CD274: variants seen among roughly 807,000 people sequenced by gnomAD.
CD274 encodes the protein programmed cell death 1 ligand 1.
CD274 carries 8 observed loss-of-function variants against 30.1 expected under a neutral mutation model. The ratio of observed to expected loss-of-function variants is 0.27; its 90% CI spans 0.16 to 0.48. CD274 has a LOEUF of 0.48. Ranked by LOEUF, CD274 falls within the 20% of genes least tolerant of loss-of-function variation. The pLI, the probability that CD274 is intolerant of heterozygous loss-of-function variation, is 0.99. For synonymous variants in CD274, 152 were observed against 124.6 expected, an observed-to-expected ratio of 1.22 and a Z score of -1.46; for missense variants, 353 against 346.6, an observed-to-expected ratio of 1.02 and a Z score of -0.15.
At chr9:5,461,937 T>C (rs1819410828) in intron 3 of CD274, among the ~76,000 whole-genome samples, 1 of 152,050 alleles carries the variant, frequency 6.6e-6, no homozygotes, top group Non-Finnish European at 1.5e-5. Context: ...AAAAAGGATA[T>C]TAGGGAAAAA....
In CD274 at chr9:5,452,735, C is replaced by A. The variant is rs562783173; in HGVS notation, c.-15+2139C>A. Among the ~76,000 whole-genome samples, 5 of 152,244 alleles carry A rather than the reference C, an allele frequency of 3.3e-5. No individual in the cohort carries two copies. In the South Asian group the frequency reaches 1.0e-3, roughly 32 times the overall value. On this transcript the variant is annotated intron_variant, in intron 1 of 6. Coordinates refer to ENST00000381577, the MANE Select transcript of CD274 (RefSeq NM_014143.4). ...AATATTGGATCTAATCCATCACCCTCCAGGAAGCCTTTATTACTCCTAAAA... is the reference window on the plus strand; with the variant it reads ...AATATTGGATCTAATCCATCACCCTACAGGAAGCCTTTATTACTCCTAAAA...
chr9:5,459,019 C>T (rs1197505783), intron 3 of CD274, among the ~76,000 whole-genome samples: 1 of 152,146 alleles, frequency 6.6e-6, no homozygotes, highest in East Asian at 1.9e-4. Context: ...TCTCATCAGC[C>T]TGTAGGGAGT....
intron 6 of CD274, 147 bp from the exon 7 acceptor site, chr9:5,467,693 G>A: frequency 1.3e-6 from 1 of 753,868 alleles, no homozygotes; most frequent in East Asian, 2.7e-5. Context: ...AGGATAATTG[G>A]GTACAAATAT....
Position 5,457,115 on chromosome 9 carries a change from T to A in CD274, c.89T>A (p.Val30Glu). The A allele has an allele frequency of 3.1e-6, 5 of 1,613,748 alleles. No homozygotes were observed. Among genetic ancestry groups the A allele is most frequent in the Non-Finnish European group, 4.2e-6 (5 of 1,179,672 alleles). Residue 30 changes from valine to glutamate, a missense_variant, in exon 3 of 7, where the codon GTA (valine) becomes GAA (glutamate). Coordinates refer to ENST00000381577, the MANE Select transcript of CD274 (RefSeq NM_014143.4). The stretch of plus-strand genomic sequence containing the variant: ...ACGGTTCCCAAGGACCTATATGTGG[T>A]AGAGTATGGTAGCAATATGACAATT... Reference protein sequence around the residue: ...TVTVPKDLYVVEYGSNMTIEC... With the variant: ...TVTVPKDLYVEEYGSNMTIEC...
chr9:5,452,054 C>A (rs1819215090), intron 1 of CD274, among the ~76,000 whole-genome samples: 1 of 131,158 alleles, frequency 7.6e-6, no homozygotes, highest in South Asian at 2.5e-4. Context: ...GAGACAGAGT[C>A]TCACTCTGTT....
At chr9:5,467,283 A>C (rs1819513255) in intron 6 of CD274, among the ~76,000 whole-genome samples, 1 of 152,130 alleles carries the variant, frequency 6.6e-6, no homozygotes, top group African/African-American at 2.4e-5. Context: ...CAAGAAGATA[A>C]TGTAAAGTGC....
intron 1 of CD274, among the ~76,000 whole-genome samples, chr9:5,455,169 T>C (rs1819278686): frequency 1.3e-5 from 2 of 152,214 alleles, no homozygotes; most frequent in African/African-American, 2.4e-5. Flanking sequence ...TTTGTAAATA[T>C]ATGTATAACA....
intron 1 of CD274, among the ~76,000 whole-genome samples, chr9:5,454,289 C>T (rs897244444): frequency 6.6e-6 from 1 of 152,112 alleles, no homozygotes; most frequent in African/African-American, 2.4e-5. Context: ...TCTGTCTTTT[C>T]CTTCCTTTTT....
rs541020125 is a variant in CD274, at chr9:5,468,948, C to T, written c.*1086C>T. The T allele has an allele frequency of 7.3e-5, 17 of 232,996 alleles. No homozygotes were observed. The highest frequency in any genetic ancestry group is 1.4e-4 in the Non-Finnish European group (16 of 117,958). 14.4% of individuals were successfully genotyped at this position (232,996 alleles called of 1,614,324 possible). ...ATGTGAGCAAGACAAAGTACCTGTC[C>T]TCAAGGAGCTCATAGTATAATGAGG... On this transcript the variant is annotated 3_prime_UTR_variant, in exon 7 of 7. Transcript: ENST00000381577.
At chr9:5,451,201 C>G (rs1453209413) in intron 1 of CD274, among the ~76,000 whole-genome samples, 1 of 152,086 alleles carries the variant, frequency 6.6e-6, no homozygotes, top group Non-Finnish European at 1.5e-5. Flanking sequence ...TCTTATAACA[C>G]AAGGAGTAAA....
intron 1 of CD274, among the ~76,000 whole-genome samples, chr9:5,452,483 A>C (rs1819225085): frequency 6.6e-6 from 1 of 152,234 alleles, no homozygotes; most frequent in African/African-American, 2.4e-5. Context: ...TTGCTCTTTA[A>C]ATGTCTCCAT....
rs756735299 is a variant in CD274, at chr9:5,463,101, C to T, written c.662C>T (p.Thr221Ile). ...AGATTAGATCCTGAGGAAAACCATA[C>T]AGCTGAATTGGTCATCCCAGGTAAT... is the stretch of plus-strand genomic sequence containing the variant. ...FRRLDPEENH[T>I]AELVIPELPL... Residue 221 changes from threonine to isoleucine, a missense_variant, in exon 4 of 7, where the codon ACA (threonine) becomes ATA (isoleucine). Coordinates refer to ENST00000381577, the MANE Select transcript of CD274 (RefSeq NM_014143.4). 2 of 1,613,838 alleles carry T rather than the reference C, an allele frequency of 1.2e-6. No homozygotes were observed. Among genetic ancestry groups the T allele is most frequent in the Non-Finnish European group, 1.7e-6 (2 of 1,179,734 alleles).
chr9:5,467,940 A>G lies in CD274; in HGVS notation c.*78A>G. On this transcript the variant is annotated 3_prime_UTR_variant, in exon 7 of 7. Coordinates refer to ENST00000381577, the MANE Select transcript of CD274 (RefSeq NM_014143.4). ...GGGGTTCATCGGGGCTGAGCGTGAC[A>G]AGAGGAAGGAATGGGCCCGTGGGAT... 2.3e-6 allele frequency: 3 copies of G among 1,297,514 alleles called. No homozygotes were observed. Among genetic ancestry groups the G allele is most frequent in the Non-Finnish European group, 3.4e-6 (3 of 891,552 alleles). 80.4% of individuals were successfully genotyped at this position (1,297,514 alleles called of 1,614,324 possible).
In CD274 at chr9:5,469,032, G is replaced by A. The variant is rs2131237759; in HGVS notation, c.*1170G>A. On this transcript the variant is annotated 3_prime_UTR_variant, in exon 7 of 7. Coordinates refer to ENST00000381577, the MANE Select transcript of CD274 (RefSeq NM_014143.4). ...TCCAGTGTCATAGCATAAGGATGAT[G>A]CGAGGGGAAAACCCGAGCAGTGTTG... 1 of 233,128 alleles carries A rather than the reference G, an allele frequency of 4.3e-6. No individual in the cohort carries two copies. The highest frequency in any genetic ancestry group is 6.0e-5 in the East Asian group (1 of 16,570). 14.4% of individuals were successfully genotyped at this position (233,128 alleles called of 1,614,324 possible).
intron 3 of CD274, among the ~76,000 whole-genome samples, chr9:5,458,410 C>T (rs1323726767): frequency 6.6e-6 from 1 of 152,180 alleles, no homozygotes; most frequent in Non-Finnish European, 1.5e-5. Flanking sequence ...AAATTACTCC[C>T]TAATAGTAAG....
chr9:5,466,772 A>C lies in CD274; in HGVS notation c.793A>C (p.Arg265=). ...AAAAATGATTTCTTTTTCTCAAGGG[A>C]GAATGATGGATGTGAAAAAATGTGG... ...LTFIFRLRKG[R]MMDVKKCGIQ... Residue 265 remains arginine, a splice_region_variant and synonymous_variant, in exon 6 of 7, where the codon AGA becomes CGA. Transcript: ENST00000381577. The C allele has an allele frequency of 6.2e-7, 1 of 1,609,762 alleles. No homozygotes were observed. Among genetic ancestry groups the C allele is most frequent in the Non-Finnish European group, 8.5e-7 (1 of 1,177,330 alleles).
chr9:5,469,560 G>A lies in CD274; in HGVS notation c.*1698G>A, dbSNP rs1819553714. On this transcript the variant is annotated 3_prime_UTR_variant, in exon 7 of 7. Transcript: ENST00000381577. Reference sequence around the variant, plus strand: ...TACTTTGCTATTTTTATTTATTTTAGTGTTTCTTATATAGCAGATGGAATG... The same window carrying A: ...TACTTTGCTATTTTTATTTATTTTAATGTTTCTTATATAGCAGATGGAATG... The A allele has an allele frequency of 8.6e-6, 2 of 231,644 alleles. No individual in the cohort carries two copies. Among genetic ancestry groups the A allele is most frequent in the Admixed American group, 1.1e-4 (2 of 17,718 alleles). The allele number at this position is 231,644 out of a possible 1,614,324, so 14.3% of individuals were successfully genotyped here.
chr9:5,454,872 C>G (rs1368191208), intron 1 of CD274, among the ~76,000 whole-genome samples: 1 of 152,016 alleles, frequency 6.6e-6, no homozygotes, highest in Non-Finnish European at 1.5e-5. Flanking sequence ...TATTTCATAT[C>G]TTATATTTTT....
In CD274 at chr9:5,467,941, A is replaced by G. The variant is rs377574019; in HGVS notation, c.*79A>G. On this transcript the variant is annotated 3_prime_UTR_variant, in exon 7 of 7. Transcript: ENST00000381577. ...GGGTTCATCGGGGCTGAGCGTGACAAGAGGAAGGAATGGGCCCGTGGGATG... is the reference window on the plus strand; with the variant it reads ...GGGTTCATCGGGGCTGAGCGTGACAGGAGGAAGGAATGGGCCCGTGGGATG... 4 of 1,299,544 alleles carry G rather than the reference A, an allele frequency of 3.1e-6. No homozygotes were observed. The African/African-American group carries it at 5.8e-5, about 19-fold the overall frequency. The allele number at this position is 1,299,544 out of a possible 1,614,324, so 80.5% of individuals were successfully genotyped here.
Sources: gnomAD v4.1 joint callset for allele counts (sites outside exome capture counted in the v4.1 genomes callset) on GRCh38, gnomAD v4.1.1 for gene constraint, MANE v1.5 for transcripts, NCBI Gene and HGNC (gene_info 2026-07-23, HGNC 2026-07-21) for gene names.